The following SGSM1 variants were observed in gnomAD, a reference collection of about 807,000 sequenced individuals.
SGSM1 encodes the protein small G protein signaling modulator 1, also known as RUN and TBC1 domain containing 2.
A neutral mutation model predicts 133.8 loss-of-function variants in SGSM1; 73 were observed. The observed-to-expected ratio is 0.55, with a 90% CI of 0.45 to 0.66. SGSM1 has a LOEUF of 0.66. Among genes scored for constraint, SGSM1 ranks in the 30% least tolerant of loss-of-function variants. The pLI, the probability that SGSM1 is intolerant of heterozygous loss-of-function variation, is 0.00. For synonymous variants in SGSM1, 563 were observed against 573.0 expected, an observed-to-expected ratio of 0.98 and a Z score of 0.25; for missense variants, 1,213 against 1,448.1, an observed-to-expected ratio of 0.84 and a Z score of 2.64.
At chr22:24,917,897 C>G in intron 23 of SGSM1, 143 bp downstream of exon 23, 1 of 615,894 alleles carries the variant, frequency 1.6e-6, no homozygotes, top group Non-Finnish European at 2.8e-6. Context: ...TCCAGACTAC[C>G]GTTTCACCTG....
intron 2 of SGSM1, among the ~76,000 whole-genome samples, chr22:24,810,043 C>G (rs1419746208): frequency 2.6e-5 from 4 of 151,976 alleles, no homozygotes; most frequent in Admixed American, 2.6e-4. Context: ...TTGAAGGAAC[C>G]GAAGTGACCG....
intron 9 of SGSM1, 49 bp from the exon 10 acceptor site, chr22:24,867,044 A>G (rs1212824226): frequency 1.3e-6 from 2 of 1,591,876 alleles, no homozygotes; most frequent in Non-Finnish European, 1.7e-6. Flanking sequence ...CCCTCCGCAC[A>G]GTGGGGTAGG....
intron 20 of SGSM1, among the ~76,000 whole-genome samples, chr22:24,903,817 C>G (rs1186883824): frequency 6.6e-6 from 1 of 151,780 alleles, no homozygotes; most frequent in African/African-American, 2.4e-5. Flanking sequence ...ACTAAAAATA[C>G]AAAAATTAGC....
At chr22:24,845,097 T>C (rs1601914442) in intron 3 of SGSM1, 125 bp downstream of exon 3, 4 of 818,586 alleles carry the variant, frequency 4.9e-6, no homozygotes, top group East Asian at 5.2e-5. Flanking sequence ...GGGGACTCGA[T>C]TGGAGAATTT....
At chr22:24,835,948 C>T (rs1929402830) in intron 2 of SGSM1, among the ~76,000 whole-genome samples, 1 of 152,160 alleles carries the variant, frequency 6.6e-6, no homozygotes. Flanking sequence ...ATACCATATG[C>T]ACATTTTAAA....
intron 2 of SGSM1, chr22:24,844,597 G>A (rs912462073): frequency 6.6e-6 from 2 of 304,362 alleles, no homozygotes; most frequent in Admixed American, 4.8e-5. Flanking sequence ...GTGGGGAGGG[G>A]TCTGCCTTAG....
At chr22:24,839,833 A>G (rs1205108724) in intron 2 of SGSM1, among the ~76,000 whole-genome samples, 2 of 147,848 alleles carry the variant, frequency 1.4e-5, no homozygotes, top group Admixed American at 1.4e-4. Flanking sequence ...TAATGTCCTC[A>G]TTTTCATTTC....
chr22:24,892,842 A>G (rs1309384915), intron 16 of SGSM1, among the ~76,000 whole-genome samples: 1 of 150,094 alleles, frequency 6.7e-6, no homozygotes, highest in Non-Finnish European at 1.5e-5. Flanking sequence ...AGGTCAAGAG[A>G]TCAAGACCAT....
Position 24,882,521 on chromosome 22 carries a change from C to T in SGSM1, c.1496-1532C>T, listed in dbSNP as rs80059524. 3.1e-3 allele frequency among the ~76,000 whole-genome samples: 479 copies of T among 152,262 alleles called. 4 individuals are homozygous for T. Among genetic ancestry groups the T allele is most frequent in the African/African-American group, 0.011 (456 of 41,554 alleles). ...CAAACATTTATCTTCATTTGGAGAA[C>T]GTTACGGTTCTTCTATAATAGCTAT... is the stretch of plus-strand genomic sequence containing the variant. On this transcript the variant is annotated intron_variant, in intron 14 of 24. Transcript: ENST00000400358.
Position 24,855,665 on chromosome 22 carries a change from C to G in SGSM1, c.786C>G (p.Asn262Lys). 1.2e-6 allele frequency: 2 copies of G among 1,613,974 alleles called. No homozygotes were observed. Among genetic ancestry groups the G allele is most frequent in the Non-Finnish European group, 1.7e-6 (2 of 1,179,880 alleles). The change falls in exon 8 of 25, where the codon AAC (asparagine) becomes AAG (lysine). Residue 262 changes from asparagine to lysine, a missense_variant. Transcript: ENST00000400358. ...SRATLLYGKN[N>K]VLVQPRDDME... ...CCACCCTTCTCTATGGCAAAAACAA[C>G]GTTCTTGTTCAGCCGGTGAGAGGTT...
intron 14 of SGSM1, among the ~76,000 whole-genome samples, chr22:24,881,293 G>A (rs527638394): frequency 1.4e-5 from 2 of 145,726 alleles, no homozygotes; most frequent in East Asian, 2.1e-4. Flanking sequence ...TGGGCCGGGC[G>A]TGGTGGCTCA....
At chr22:24,914,802 TG>T (rs1933764709) in intron 22 of SGSM1, among the ~76,000 whole-genome samples, 1 of 152,146 alleles carries the variant, frequency 6.6e-6, no homozygotes, top group Admixed American at 6.6e-5. Context: ...CAGTCTTTTG[TG>T]TTAGGAGTAC....
chr22:24,901,506 A>C (rs761774082), intron 19 of SGSM1, among the ~76,000 whole-genome samples: 10 of 152,102 alleles, frequency 6.6e-5, no homozygotes, highest in Non-Finnish European at 1.3e-4. Flanking sequence ...AAATTAAGGT[A>C]CTTGTTCAAG....
At chr22:24,873,783 A>T (rs1447652120) in intron 12 of SGSM1, among the ~76,000 whole-genome samples, 2 of 152,070 alleles carry the variant, frequency 1.3e-5, no homozygotes, top group African/African-American at 2.4e-5. Context: ...AGTCTGGGAG[A>T]TCAGGGCTGC....
At chr22:24,913,734 C>T (rs1933717204) in intron 22 of SGSM1, among the ~76,000 whole-genome samples, 1 of 152,158 alleles carries the variant, frequency 6.6e-6, no homozygotes, top group Non-Finnish European at 1.5e-5. Context: ...ACACATTAAC[C>T]ATAGGCCTGG....
In SGSM1 at chr22:24,868,858, G is replaced by A. The variant is rs778565345; in HGVS notation, c.1291+3G>A. On this transcript the variant is annotated splice_donor_region_variant and intron_variant, in intron 12 of 24. Transcript: ENST00000400358. ...CCCTGGCATGCAGTCGGAATTCGGT[G>A]AGCTGCCCTGTCCCGGGCCCCGGGG... 5 of 1,613,570 alleles carry A rather than the reference G, an allele frequency of 3.1e-6. No homozygotes were observed. Among genetic ancestry groups the A allele is most frequent in the Non-Finnish European group, 4.2e-6 (5 of 1,179,796 alleles).
At chr22:24,809,544 A>G (rs978531381) in intron 2 of SGSM1, among the ~76,000 whole-genome samples, 6 of 152,378 alleles carry the variant, frequency 3.9e-5, no homozygotes, top group African/African-American at 1.4e-4. Flanking sequence ...GAAACTGTCC[A>G]GTGCTGGCCT....
chr22:24,833,619 C>G (rs987753127), intron 2 of SGSM1, among the ~76,000 whole-genome samples: 2 of 151,128 alleles, frequency 1.3e-5, no homozygotes, highest in Non-Finnish European at 2.9e-5. Context: ...GATTGTGCCA[C>G]TGCACTCCAG....
At position 24,826,114 on chromosome 22, in the gene SGSM1, G is replaced by T. The variant is rs571981304; in HGVS notation, c.64-18783G>T. Among the ~76,000 whole-genome samples, 3 of 152,312 alleles carry T rather than the reference G, an allele frequency of 2.0e-5. No homozygotes were observed. The South Asian group carries it at 6.2e-4, about 32-fold the overall frequency. On this transcript the variant is annotated intron_variant, in intron 2 of 24. Transcript: ENST00000400358. The stretch of plus-strand genomic sequence containing the variant: ...AGCAAAAGATACTATGAGATAGATT[G>T]TATGTGCCTGAAAATAGGTTTGCCA...
Sources: allele counts gnomAD v4.1 joint callset (sites outside exome capture counted in the v4.1 genomes callset), GRCh38; gene constraint gnomAD v4.1.1; transcripts MANE v1.5; gene names NCBI Gene and HGNC (gene_info 2026-07-23, HGNC 2026-07-21).